The following EIF1AX variants were observed in gnomAD, a reference collection of about 807,000 sequenced individuals.
EIF1AX encodes the protein eukaryotic translation initiation factor 1A, X-chromosomal.
In EIF1AX, 1 loss-of-function variant was observed where a neutral mutation model predicts 16.1. The ratio of observed to expected loss-of-function variants is 0.06; its 90% CI spans 0.02 to 0.30. EIF1AX has a LOEUF of 0.30. Among genes scored for constraint, EIF1AX ranks in the 10% least tolerant of loss-of-function variants. EIF1AX has a pLI of 1.00. For synonymous variants in EIF1AX, 32 were observed against 37.3 expected (o/e 0.86, Z 0.51); for missense variants, 11 against 109.1 (o/e 0.10, Z 4.00).
intron 4 of EIF1AX, among the ~76,000 whole-genome samples, chrX:20,133,255 TA>T (rs1315869346): frequency 9.0e-6 from 1 of 111,475 alleles, no homozygotes; most frequent in East Asian, 2.8e-4. Context: ...AAATGGACAT[TA>T]AAATGGTATG....
chrX:20,124,902 C>T lies in EIF1AX; in HGVS notation c.*3404G>A, dbSNP rs935504251. Reference sequence around the variant, plus strand: ...TCTATTGTACGAATCAAAGACTGCACGCAAAAGAAATGGGAAATACAGAAT... The same window carrying T: ...TCTATTGTACGAATCAAAGACTGCATGCAAAAGAAATGGGAAATACAGAAT... On this transcript the variant is annotated 3_prime_UTR_variant, in exon 7 of 7. Transcript: ENST00000379607. 1.3e-5 allele frequency: 2 copies of T among 150,522 alleles called. No individual in the cohort carries two copies. Among genetic ancestry groups the T allele is most frequent in the Non-Finnish European group, 2.6e-5 (2 of 75,837 alleles). 12.4% of individuals were successfully genotyped at this position (150,522 alleles called of 1,213,427 possible).
rs780841709 is a variant in EIF1AX at position 20,126,735 on chromosome X, C to T, written c.*1571G>A. The T allele has an allele frequency of 6.3e-3, 880 of 138,901 alleles. 3 individuals are homozygous for T. The highest frequency in any genetic ancestry group is 9.1e-3 in the Non-Finnish European group (632 of 69,811). 11.4% of individuals were successfully genotyped at this position (138,901 alleles called of 1,213,427 possible). On this transcript the variant is annotated 3_prime_UTR_variant, in exon 7 of 7. Transcript: ENST00000379607. Reference sequence around the variant, plus strand: ...AAAAACCAGCCCTTAGTCTCAGATGCATTCCACCTAGATGTGTTCACGAAC... The same window carrying T: ...AAAAACCAGCCCTTAGTCTCAGATGTATTCCACCTAGATGTGTTCACGAAC...
chrX:20,124,711 C>CTAT lies in EIF1AX; in HGVS notation c.*3592_*3594dup, dbSNP rs753399779. On this transcript the variant is annotated 3_prime_UTR_variant, in exon 7 of 7. Transcript: ENST00000379607. The stretch of plus-strand genomic sequence containing the variant: ...TTATCAGAGGTATCAATATTAATAA[C>CTAT]TATAATCTTTTTCTAAAGAAATATA... 99 of 140,391 alleles carry CTAT rather than the reference C, an allele frequency of 7.1e-4. No homozygotes were observed. The highest frequency in any genetic ancestry group is 2.8e-3 in the African/African-American group (90 of 32,055). The allele number at this position is 140,391 out of a possible 1,213,427, so 11.6% of individuals were successfully genotyped here. A position where few individuals can be genotyped will look rare whatever the true frequency, so the allele number is the denominator to read the frequency against.
chrX:20,140,212 C>T (rs182869064), intron 1 of EIF1AX: 1 of 112,236 alleles, frequency 8.9e-6, no homozygotes, highest in Non-Finnish European at 1.9e-5. Flanking sequence ...ACCTATTATT[C>T]ACTAAGGGTG....
At chrX:20,140,068 T>G (rs2067029420) in intron 1 of EIF1AX, 1 of 112,386 alleles carries the variant, frequency 8.9e-6, no homozygotes, top group African/African-American at 3.2e-5. Flanking sequence ...GTACAACAAT[T>G]AAAGTGACAT....
chrX:20,137,305 G>A (rs1017930946), intron 2 of EIF1AX, among the ~76,000 whole-genome samples: 6 of 110,885 alleles, frequency 5.4e-5, no homozygotes, highest in African/African-American at 2.0e-4. Flanking sequence ...AAATACCCAG[G>A]CATGGTGGCG....
At chrX:20,137,952 G>C (rs1029706202) in intron 2 of EIF1AX, among the ~76,000 whole-genome samples, 1 of 105,741 alleles carries the variant, frequency 9.5e-6, no homozygotes, top group East Asian at 3.0e-4. Flanking sequence ...CCAGGAGTTC[G>C]AGAATAGCCA....
intron 3 of EIF1AX, among the ~76,000 whole-genome samples, chrX:20,134,929 T>G (rs150705079): frequency 0.01 from 1,115 of 111,364 alleles, 52 homozygotes; most frequent in Admixed American, 0.092. Flanking sequence ...ACGATGACAT[T>G]CAAGAGATGC....
intron 4 of EIF1AX, 79 bp from the exon 5 acceptor site, chrX:20,132,342 TAAAC>T (rs2067003835): frequency 3.3e-5 from 21 of 636,003 alleles, no homozygotes; most frequent in Non-Finnish European, 5.0e-5. Context: ...TCATATTGAA[TAAAC>T]AATCAAATCT....
At chrX:20,129,084 C>T (rs1569172817) in intron 6 of EIF1AX, among the ~76,000 whole-genome samples, 1 of 111,100 alleles carries the variant, frequency 9.0e-6, no homozygotes, top group African/African-American at 3.3e-5. Flanking sequence ...ACAGTTTAGT[C>T]GTAAGACTCC....
At chrX:20,128,356 T>C in intron 6 of EIF1AX, 45 bp from the exon 7 acceptor site, 3 of 1,126,079 alleles carry the variant, frequency 2.7e-6, no homozygotes, top group Non-Finnish European at 3.6e-6. Context: ...AGAATTCTTA[T>C]ATTCCAACAG....
intron 2 of EIF1AX, chrX:20,136,357 C>G (rs978724984): frequency 2.9e-6 from 1 of 341,827 alleles, no homozygotes; most frequent in African/African-American, 2.6e-5. Flanking sequence ...CCTTCTGATG[C>G]TCAGATTTGG....
chrX:20,140,858 T>G (rs1308767699), intron 1 of EIF1AX, among the ~76,000 whole-genome samples: 7 of 111,045 alleles, frequency 6.3e-5, no homozygotes, highest in East Asian at 5.6e-4. Flanking sequence ...TTTTGTTTTT[T>G]TTTTTTTAAG....
chrX:20,135,368 C>T (rs995490350), intron 3 of EIF1AX, among the ~76,000 whole-genome samples: 1 of 110,481 alleles, frequency 9.1e-6, no homozygotes, highest in African/African-American at 3.3e-5. Flanking sequence ...ATCACTTGAA[C>T]CAATGAGGGT....
chrX:20,135,389 T>C (rs1328447429), intron 3 of EIF1AX, among the ~76,000 whole-genome samples: 1 of 110,132 alleles, frequency 9.1e-6, no homozygotes, highest in African/African-American at 3.3e-5. Flanking sequence ...GAGGTTACAG[T>C]GAGCCCAGAT....
chrX:20,138,892 T>C (rs1381336734), intron 1 of EIF1AX, among the ~76,000 whole-genome samples: 2 of 112,085 alleles, frequency 1.8e-5, no homozygotes, highest in African/African-American at 6.5e-5. Context: ...TGTTAAAAAA[T>C]ATAGAAAAAC....
rs1284453413 is a variant in EIF1AX, at chrX:20,126,330, C to A, written c.*1976G>T. The A allele has an allele frequency of 9.5e-5, 12 of 125,999 alleles. No homozygotes were observed. The highest frequency in any genetic ancestry group is 1.7e-4 in the Non-Finnish European group (11 of 65,877). The allele number at this position is 125,999 out of a possible 1,213,427, so 10.4% of individuals were successfully genotyped here. A position where few individuals can be genotyped will look rare whatever the true frequency, so the allele number is the denominator to read the frequency against. On this transcript the variant is annotated 3_prime_UTR_variant, in exon 7 of 7. Coordinates refer to ENST00000379607, the MANE Select transcript of EIF1AX (RefSeq NM_001412.4). ...GTATTGCATATAAGCTACAACTTTA[C>A]CCCAACTATTTTAATCACTATGATT...
chrX:20,141,477 T>G, intron 1 of EIF1AX, 148 bp downstream of exon 1: 1 of 665,010 alleles, frequency 1.5e-6, no homozygotes, highest in South Asian at 3.1e-5. Flanking sequence ...TCTCCCGAGC[T>G]CAGAGTCGCG....
At chrX:20,137,395 G>A (rs1056051647) in intron 2 of EIF1AX, among the ~76,000 whole-genome samples, 2 of 110,664 alleles carry the variant, frequency 1.8e-5, no homozygotes, top group Admixed American at 9.6e-5. Flanking sequence ...GTAGTGAGCC[G>A]AGATCGCGCC....
Sources: gnomAD v4.1 joint callset for allele counts (sites outside exome capture counted in the v4.1 genomes callset) on GRCh38, gnomAD v4.1.1 for gene constraint, MANE v1.5 for transcripts, NCBI Gene and HGNC (gene_info 2026-07-23, HGNC 2026-07-21) for gene names.